CADM2: variants seen among roughly 807,000 people sequenced by gnomAD.
CADM2 encodes immunoglobulin superfamily member 4D.
In CADM2, 12 loss-of-function variants were observed where a neutral mutation model predicts 49.8. The ratio of observed to expected loss-of-function variants is 0.24; its 90% CI spans 0.15 to 0.39. The LOEUF is 0.39. CADM2 is among the 10% of genes least tolerant of loss of function. The pLI is 1.00. For synonymous variants in CADM2, 214 were observed against 175.4 expected (o/e 1.22, Z -1.74); for missense variants, 378 against 492.3 (o/e 0.77, Z 2.20).
At chr3:85,151,635 AT>A (rs1013185334) in intron 1 of CADM2, among the ~76,000 whole-genome samples, 16 of 152,274 alleles carry the variant, frequency 1.1e-4, no homozygotes, top group Non-Finnish European at 2.1e-4. Flanking sequence ...CTCCCTCATA[AT>A]TTTTTATGGT....
chr3:85,028,425 T>C (rs888025980), intron 1 of CADM2, among the ~76,000 whole-genome samples: 1 of 152,182 alleles, frequency 6.6e-6, no homozygotes, highest in Non-Finnish European at 1.5e-5. Flanking sequence ...AATTTTCATA[T>C]AAACCATGCT....
intron 1 of CADM2, among the ~76,000 whole-genome samples, chr3:85,722,491 A>G (rs2067541687): frequency 6.6e-6 from 1 of 152,218 alleles, no homozygotes; most frequent in African/African-American, 2.4e-5. Flanking sequence ...AAAATTCTAC[A>G]TAATCTTAAA....
chr3:85,611,951 C>A (rs2063693344), intron 1 of CADM2, among the ~76,000 whole-genome samples: 1 of 151,670 alleles, frequency 6.6e-6, no homozygotes, highest in Non-Finnish European at 1.5e-5. Flanking sequence ...AAATTAACTT[C>A]TCCAGGAAGA....
chr3:85,288,784 G>GCT (rs1188958298), intron 1 of CADM2, among the ~76,000 whole-genome samples: 1 of 88,200 alleles, frequency 1.1e-5, no homozygotes, highest in Non-Finnish European at 2.6e-5. Flanking sequence ...TTACCAATAT[G>GCT]CCCCCCCCCC....
chr3:85,263,698 TAATTACATC>T (rs1157644366), intron 1 of CADM2, among the ~76,000 whole-genome samples: 6 of 152,244 alleles, frequency 3.9e-5, no homozygotes, highest in African/African-American at 1.4e-4. Flanking sequence ...TTTTTTCTAA[TAATTACATC>T]AATATCAACC....
intron 1 of CADM2, among the ~76,000 whole-genome samples, chr3:85,139,939 A>G (rs1046764448): frequency 2.0e-5 from 3 of 152,138 alleles, no homozygotes; most frequent in Non-Finnish European, 2.9e-5. Flanking sequence ...GTGGTGAGTT[A>G]TTCAGAAAAG....
intron 1 of CADM2, among the ~76,000 whole-genome samples, chr3:85,323,409 T>A (rs1271968064): frequency 6.6e-6 from 1 of 152,128 alleles, no homozygotes; most frequent in East Asian, 1.9e-4. Flanking sequence ...TCTGAACACT[T>A]TTTTTGGTTT....
At chr3:85,082,183 C>A (rs1263570992) in intron 1 of CADM2, among the ~76,000 whole-genome samples, 1 of 151,986 alleles carries the variant, frequency 6.6e-6, no homozygotes, top group Non-Finnish European at 1.5e-5. Flanking sequence ...GTATATACAT[C>A]GAAACTAGGA....
At chr3:85,680,218 T>TA (rs2066000354) in intron 1 of CADM2, among the ~76,000 whole-genome samples, 1 of 152,086 alleles carries the variant, frequency 6.6e-6, no homozygotes, top group African/African-American at 2.4e-5. Context: ...AGTGAAAATA[T>TA]AAAAATTTTT....
chr3:85,221,919 G>A (rs1382321165), intron 1 of CADM2, among the ~76,000 whole-genome samples: 4 of 151,822 alleles, frequency 2.6e-5, no homozygotes, highest in Admixed American at 1.3e-4. Context: ...GATAAAGAAA[G>A]CAAAATATAG....
intron 1 of CADM2, among the ~76,000 whole-genome samples, chr3:85,177,111 A>C (rs967798581): frequency 6.6e-6 from 1 of 152,188 alleles, no homozygotes; most frequent in Non-Finnish European, 1.5e-5. Context: ...AGTCTTTAAT[A>C]TAACATGAAT....
intron 2 of CADM2, among the ~76,000 whole-genome samples, chr3:85,781,030 G>A (rs575261276): frequency 6.6e-6 from 1 of 152,252 alleles, no homozygotes; most frequent in East Asian, 1.9e-4. Flanking sequence ...CAGAAGCCAA[G>A]TCCCCAAAAG....
Position 85,290,349 on chromosome 3 carries a change from G to A in CADM2, c.61+330681G>A, listed in dbSNP as rs192967803. Among the ~76,000 whole-genome samples the A allele has an allele frequency of 1.8e-3, 273 of 152,294 alleles. 1 individual carries two copies. The highest frequency in any genetic ancestry group is 6.3e-3 in the African/African-American group (263 of 41,574). ...TCTGAGATCAAACTGCAAGGCCGCA[G>A]CAAGGCTGGGGGAGGGGCGCCCGCC... On this transcript the variant is annotated intron_variant, in intron 1 of 9. Coordinates refer to ENST00000383699, the MANE Select transcript of CADM2 (RefSeq NM_001167675.2).
chr3:86,060,981 C>CAATAATAATAAG (rs1553731753), intron 8 of CADM2, among the ~76,000 whole-genome samples: 3 of 147,942 alleles, frequency 2.0e-5, no homozygotes, highest in African/African-American at 7.4e-5. Flanking sequence ...GGCTATGTCT[C>CAATAATAATAAG]AATAATAATA....
At chr3:85,532,179 A>G (rs904038563) in intron 1 of CADM2, among the ~76,000 whole-genome samples, 2 of 111,060 alleles carry the variant, frequency 1.8e-5, no homozygotes, top group Non-Finnish European at 4.4e-5. Flanking sequence ...TCCGTCTCAA[A>G]AATAATAATA....
chr3:85,608,877 A>T (rs915203244), intron 1 of CADM2, among the ~76,000 whole-genome samples: 2 of 152,120 alleles, frequency 1.3e-5, no homozygotes, highest in Non-Finnish European at 2.9e-5. Context: ...CATATTTAAA[A>T]GCTTTCTTGG....
intron 1 of CADM2, among the ~76,000 whole-genome samples, chr3:85,248,567 C>T (rs75289644): frequency 0.08 from 12,132 of 152,190 alleles, 667 homozygotes; most frequent in Non-Finnish European, 0.12. Context: ...TGAGCAAACA[C>T]GCCCAGCCTA....
intron 1 of CADM2, among the ~76,000 whole-genome samples, chr3:85,047,271 C>T (rs1423408066): frequency 6.6e-6 from 1 of 152,130 alleles, no homozygotes; most frequent in Non-Finnish European, 1.5e-5. Flanking sequence ...TCTCACACCA[C>T]ATTTTTGTCC....
chr3:85,865,762 C>A (rs143235009), intron 3 of CADM2, among the ~76,000 whole-genome samples: 1 of 152,238 alleles, frequency 6.6e-6, no homozygotes, highest in African/African-American at 2.4e-5. Context: ...CAGATAAATG[C>A]ACGATACTAC....
Sources: gnomAD v4.1 joint callset for allele counts (sites outside exome capture counted in the v4.1 genomes callset) on GRCh38, gnomAD v4.1.1 for gene constraint, MANE v1.5 for transcripts, NCBI Gene and HGNC (gene_info 2026-07-23, HGNC 2026-07-21) for gene names.